Variants in OR5BS1 observed in about 807,000 individuals in gnomAD.
OR5BS1 encodes olfactory receptor 5BS1.
the OR5BS1 span, among the ~76,000 whole-genome samples, chr12:48,561,637 T>C: frequency 3.3e-5 from 5 of 152,182 alleles, no homozygotes; most frequent in Non-Finnish European, 7.3e-5. Flanking sequence ...TGCTTTCTAC[T>C]AGTAAATTGA....
chr12:48,560,545 A>T, the OR5BS1 span: 3 of 401,876 alleles, frequency 7.5e-6, no homozygotes, highest in African/African-American at 6.1e-5. Context: ...CAGCTGTATC[A>T]TCATGACAGC....
At chr12:48,560,225 T>A in the OR5BS1 span, 1 of 401,306 alleles carries the variant, frequency 2.5e-6, no homozygotes, top group East Asian at 3.6e-5. Flanking sequence ...GCTTGCCTCC[T>A]CTCGGTCATG....
At chr12:48,560,155 A>G in the OR5BS1 span, 1 of 401,412 alleles carries the variant, frequency 2.5e-6, no homozygotes, top group Non-Finnish European at 4.4e-6. Context: ...GGGGGAGACA[A>G]TATCCTTCCT....
chr12:48,561,701 G>C, the OR5BS1 span, among the ~76,000 whole-genome samples: 1 of 152,154 alleles, frequency 6.6e-6, no homozygotes, highest in South Asian at 2.1e-4. Context: ...GTGATTCAGA[G>C]AGAAGTCCAG....
chr12:48,560,800 A>C, the OR5BS1 span: 1 of 394,824 alleles, frequency 2.5e-6, no homozygotes, highest in African/African-American at 2.1e-5. Context: ...TAGCTGTATG[A>C]ATTGTAAAGA....
At chr12:48,562,472 T>C in the OR5BS1 span, among the ~76,000 whole-genome samples, 1 of 152,234 alleles carries the variant, frequency 6.6e-6, no homozygotes, top group Admixed American at 6.5e-5. Context: ...TTATTATTCA[T>C]TCTATTTTTT....
At chr12:48,560,797 A>G in the OR5BS1 span, 1 of 395,390 alleles carries the variant, frequency 2.5e-6, no homozygotes, top group Non-Finnish European at 4.5e-6. Context: ...GACTAGCTGT[A>G]TGAATTGTAA....
At chr12:48,562,792 A>G in the OR5BS1 span, 2 of 401,722 alleles carry the variant, frequency 5.0e-6, no homozygotes, top group African/African-American at 4.1e-5. Flanking sequence ...ATTCCCTTCA[A>G]GGTATATGAT....
the OR5BS1 span, among the ~76,000 whole-genome samples, chr12:48,562,212 A>G: frequency 0.07 from 10,608 of 152,280 alleles, 452 homozygotes; most frequent in Middle Eastern, 0.099. Flanking sequence ...TAAAAGGGCA[A>G]ATGTTTGTTC....
chr12:48,560,547 C>A, the OR5BS1 span: 1 of 401,912 alleles, frequency 2.5e-6, no homozygotes, highest in South Asian at 1.3e-4. Context: ...GCTGTATCAT[C>A]ATGACAGCCC....
the OR5BS1 span, among the ~76,000 whole-genome samples, chr12:48,561,161 A>G: frequency 6.6e-6 from 1 of 152,132 alleles, no homozygotes; most frequent in Non-Finnish European, 1.5e-5. Flanking sequence ...CCATTCTGGA[A>G]AATGAATTTA....
At chr12:48,560,355 T>A in the OR5BS1 span, 1 of 401,586 alleles carries the variant, frequency 2.5e-6, no homozygotes. Context: ...CTGGCCTAAT[T>A]AACACCCTCC....
the OR5BS1 span, chr12:48,562,874 C>T: frequency 2.5e-6 from 1 of 401,878 alleles, no homozygotes; most frequent in South Asian, 1.3e-4. Flanking sequence ...CTGCTGAACC[C>T]CCTCATCTAC....
At chr12:48,560,617 C>T in the OR5BS1 span, 4 of 401,508 alleles carry the variant, frequency 1.0e-5, no homozygotes, top group Non-Finnish European at 1.8e-5. Context: ...TTCCCATTTC[C>T]TTGTGGTCAC....
the OR5BS1 span, among the ~76,000 whole-genome samples, chr12:48,562,557 G>C: frequency 6.6e-6 from 1 of 152,164 alleles, no homozygotes; most frequent in Non-Finnish European, 1.5e-5. Context: ...AGAACTGCTT[G>C]TTCCTCGGGG....
the OR5BS1 span, among the ~76,000 whole-genome samples, chr12:48,561,220 C>T: frequency 2.0e-5 from 3 of 151,806 alleles, no homozygotes; most frequent in Admixed American, 6.6e-5. Context: ...TTTGGGAGTT[C>T]GCAAAAAGAA....
At chr12:48,560,467 A>G in the OR5BS1 span, 5 of 401,620 alleles carry the variant, frequency 1.2e-5, no homozygotes, top group African/African-American at 8.2e-5. Context: ...CTGCGCTAGC[A>G]TCGTCTCCAT....
the OR5BS1 span, among the ~76,000 whole-genome samples, chr12:48,562,626 A>G: frequency 6.6e-6 from 1 of 152,320 alleles, no homozygotes; most frequent in South Asian, 2.1e-4. Flanking sequence ...GAAGGCAGAA[A>G]TGACTGACTT....
the OR5BS1 span, chr12:48,560,677 AT>A: frequency 2.5e-6 from 1 of 400,962 alleles, no homozygotes; most frequent in Non-Finnish European, 4.4e-6. Context: ...ATACCCCTGA[AT>A]ATAAATGCGG....
Sources: allele counts gnomAD v4.1 joint callset (sites outside exome capture counted in the v4.1 genomes callset), GRCh38; gene constraint gnomAD v4.1.1; transcripts MANE v1.5; gene names NCBI Gene and HGNC (gene_info 2026-07-23, HGNC 2026-07-21).